SGK3: variants seen among roughly 807,000 people sequenced by gnomAD.
The protein encoded by SGK3 is serum/glucocorticoid regulated kinase family member 3.
A neutral mutation model predicts 68.5 loss-of-function variants in SGK3; 47 were observed. The ratio of observed to expected loss-of-function variants is 0.69; its 90% confidence interval spans 0.54 to 0.87. The LOEUF (loss-of-function observed/expected upper bound fraction) is 0.87. Ranked by LOEUF, SGK3 falls within the 40% of genes least tolerant of loss-of-function variation. The probability of loss-of-function intolerance (pLI) is 0.00; values close to 1 mark genes in which losing one functional copy is unlikely to be tolerated. For synonymous variants in SGK3, 181 were observed against 189.1 expected (o/e 0.96, Z 0.35); for missense variants, 479 against 575.5 (o/e 0.83, Z 1.72).
chr8:66,797,475 C>G (rs931392001), intron 2 of SGK3, among the ~76,000 whole-genome samples: 4 of 152,050 alleles, frequency 2.6e-5, no homozygotes, highest in African/African-American at 9.7e-5. Flanking sequence ...CGGTTAAGAC[C>G]AAAAGGGCCA....
At chr8:66,848,252 G>T (rs985409221) in intron 15 of SGK3, among the ~76,000 whole-genome samples, 1 of 152,098 alleles carries the variant, frequency 6.6e-6, no homozygotes, top group African/African-American at 2.4e-5. Context: ...AGCTCTAGAT[G>T]AATCCAACTA....
chr8:66,805,779 C>CA (rs1211835703), intron 4 of SGK3, among the ~76,000 whole-genome samples: 2 of 152,174 alleles, frequency 1.3e-5, no homozygotes, highest in African/African-American at 4.8e-5. Context: ...CCTCCTTCCC[C>CA]AACTAATTTG....
intron 5 of SGK3, among the ~76,000 whole-genome samples, chr8:66,817,979 C>T (rs1035921671): frequency 3.3e-5 from 5 of 152,088 alleles, no homozygotes; most frequent in Non-Finnish European, 7.4e-5. Flanking sequence ...GTCATGGTGG[C>T]ATGTGCCGGT....
At chr8:66,787,710 G>C (rs892272947) in intron 1 of SGK3, among the ~76,000 whole-genome samples, 1 of 152,226 alleles carries the variant, frequency 6.6e-6, no homozygotes, top group Non-Finnish European at 1.5e-5. Flanking sequence ...CATGATTATT[G>C]AGAGCCTGTC....
At chr8:66,808,859 T>C (rs1349561501) in intron 4 of SGK3, among the ~76,000 whole-genome samples, 1 of 150,594 alleles carries the variant, frequency 6.6e-6, no homozygotes, top group Non-Finnish European at 1.5e-5. Context: ...TTGAAATAAT[T>C]ATTTATTTAT....
Position 66,840,060 on chromosome 8 carries a change from G to C in SGK3, c.799G>C (p.Ala267Pro). The C allele has an allele frequency of 6.2e-7, 1 of 1,613,354 alleles. No individual in the cohort carries two copies. Among genetic ancestry groups the C allele is most frequent in the Non-Finnish European group, 8.5e-7 (1 of 1,179,726 alleles). The change falls in exon 11 of 17, where the codon GCT (alanine) becomes CCT (proline). Residue 267 changes from alanine to proline, a missense_variant. This residue lies in a region of SGK3 where 298 missense variants were observed against 329.4 expected (regional missense o/e 0.90). Coordinates refer to ENST00000521198, the MANE Select transcript of SGK3 (RefSeq NM_001033578.3). ...TCCTGAGCACAGAGCTAGGTTTTAC[G>C]CTGCTGAAATTGCTAGTGCATTGGG... is the stretch of plus-strand genomic sequence containing the variant. Reference protein sequence around the residue: ...SFPEHRARFYAAEIASALGYL... With the variant: ...SFPEHRARFYPAEIASALGYL...
intron 1 of SGK3, among the ~76,000 whole-genome samples, chr8:66,789,551 A>G (rs1379510701): frequency 6.6e-6 from 1 of 152,230 alleles, no homozygotes; most frequent in East Asian, 1.9e-4. Context: ...TATTGGACCC[A>G]CTGTGAGATA....
intron 10 of SGK3, among the ~76,000 whole-genome samples, chr8:66,838,155 T>G (rs779737005): frequency 1.3e-5 from 2 of 152,152 alleles, no homozygotes; most frequent in Non-Finnish European, 2.9e-5. Flanking sequence ...AACCTCCAAC[T>G]CCCTGGTTCA....
chr8:66,714,897 G>A (rs957900480), intron 1 of SGK3, among the ~76,000 whole-genome samples: 2 of 152,204 alleles, frequency 1.3e-5, no homozygotes, highest in Non-Finnish European at 2.9e-5. Context: ...TGTGTGGACA[G>A]TGCCTGGCAC....
At chr8:66,767,835 A>G (rs765240738) in intron 1 of SGK3, 1 of 1,469,482 alleles carries the variant, frequency 6.8e-7, no homozygotes, top group Non-Finnish European at 9.5e-7. Context: ...TGGTAGCTTT[A>G]GGTAAGGATG....
intron 1 of SGK3, among the ~76,000 whole-genome samples, chr8:66,750,409 G>T (rs754565704): frequency 1.3e-5 from 2 of 152,036 alleles, no homozygotes; most frequent in Admixed American, 6.6e-5. Context: ...TTGTCTAGGT[G>T]CTAGAGATAC....
rs140170024 is a variant in SGK3, at chr8:66,794,958, C to G, written c.96+1126C>G. Among the ~76,000 whole-genome samples, 4 of 152,276 alleles carry G rather than the reference C, an allele frequency of 2.6e-5. No individual in the cohort carries two copies. The South Asian group carries it at 8.3e-4, about 32-fold the overall frequency. On this transcript the variant is annotated intron_variant, in intron 2 of 16. Coordinates refer to ENST00000521198, the MANE Select transcript of SGK3 (RefSeq NM_001033578.3). Reference sequence around the variant, plus strand: ...CTTTGTTGGCTTGACCAGGGTCTTGCGGCAACTCACCACTGACTCAGTACC... The same window carrying G: ...CTTTGTTGGCTTGACCAGGGTCTTGGGGCAACTCACCACTGACTCAGTACC...
chr8:66,816,356 TTG>T (rs1554602623), intron 5 of SGK3, among the ~76,000 whole-genome samples: 1 of 148,156 alleles, frequency 6.7e-6, no homozygotes. Flanking sequence ...TTTTTTTTTT[TTG>T]TGTGTGAGAC....
chr8:66,723,040 A>G (rs1213149293), intron 1 of SGK3, among the ~76,000 whole-genome samples: 10 of 142,706 alleles, frequency 7.0e-5, no homozygotes. Flanking sequence ...CAAATATCCA[A>G]ACTATATCAG....
At chr8:66,811,167 C>T (rs528659421) in intron 4 of SGK3, among the ~76,000 whole-genome samples, 4 of 152,068 alleles carry the variant, frequency 2.6e-5, no homozygotes, top group Non-Finnish European at 5.9e-5. Flanking sequence ...AGATGTATGT[C>T]GCCACAGCTA....
chr8:66,855,492 C>T (rs967413428), intron 16 of SGK3, among the ~76,000 whole-genome samples: 30 of 152,130 alleles, frequency 2.0e-4, no homozygotes, highest in African/African-American at 6.8e-4. Flanking sequence ...CATGAGCCAC[C>T]GCACCCAACC....
chr8:66,723,806 A>G (rs1020665324), intron 1 of SGK3, among the ~76,000 whole-genome samples: 2 of 152,192 alleles, frequency 1.3e-5, no homozygotes, highest in African/African-American at 4.8e-5. Context: ...AGTTGTACAC[A>G]GTTGACAATT....
intron 1 of SGK3, among the ~76,000 whole-genome samples, chr8:66,765,365 A>G (rs575605069): frequency 6.3e-4 from 96 of 152,228 alleles, no homozygotes; most frequent in Non-Finnish European, 1.0e-3. Context: ...TCTTTGCAGA[A>G]ATGTCTACTT....
chr8:66,727,458 C>T (rs1258385420), intron 1 of SGK3, among the ~76,000 whole-genome samples: 1 of 152,124 alleles, frequency 6.6e-6, no homozygotes, highest in East Asian at 1.9e-4. Context: ...GTATCATGAT[C>T]CTGGGCAAAG....
Sources: gnomAD v4.1 joint callset for allele counts (sites outside exome capture counted in the v4.1 genomes callset) on GRCh38, gnomAD v4.1.1 for gene constraint, gnomAD v4.1.1 regional missense constraint, MANE v1.5 for transcripts, NCBI Gene and HGNC (gene_info 2026-07-23, HGNC 2026-07-21) for gene names.